ITLN1: variants seen among roughly 807,000 people sequenced by gnomAD.
ITLN1 encodes intelectin 1, also known as intelectin-1.
Under a neutral mutation model 36.2 loss-of-function variants are expected in ITLN1, and 29 were observed. That is an observed-to-expected ratio of 0.80 (90% confidence interval 0.60 to 1.09). The LOEUF is 1.09. Ranked by LOEUF, ITLN1 falls within the 50% of genes least tolerant of loss-of-function variation. The pLI, the probability that ITLN1 is intolerant of heterozygous loss-of-function variation, is 0.00. For synonymous variants in ITLN1, 143 were observed against 146.5 expected (o/e 0.98, Z 0.17); for missense variants, 358 against 405.2 (o/e 0.88, Z 1.00).
Position 160,881,241 on chromosome 1 carries a change from C to G in ITLN1, c.477G>C (p.Gln159His). ...IWHVPNKSPMQHWRNSSLLRY... is the reference protein window; with the variant it reads ...IWHVPNKSPMHHWRNSSLLRY... ...TCAGCAGGGAGCTGTTTCTCCAGTG[C>G]TGCATGGGGGACTTATTGGGCACGT... is the stretch of plus-strand genomic sequence containing the variant. Residue 159 changes from glutamine (Q) to histidine (H), a missense_variant, in exon 5 of 8, where the codon CAG (glutamine) becomes CAC (histidine). By Grantham distance (24) the Gln-to-His change is conservative. Coordinates refer to ENST00000326245, the MANE Select transcript of ITLN1 (RefSeq NM_017625.3). 1.9e-6 allele frequency: 3 copies of G among 1,613,636 alleles called. No homozygotes were observed. Among genetic ancestry groups the G allele is most frequent in the South Asian group, 2.2e-5 (2 of 91,016 alleles).
chr1:160,880,084 C>T (rs1359016511), intron 6 of ITLN1, among the ~76,000 whole-genome samples: 3 of 151,950 alleles, frequency 2.0e-5, no homozygotes, highest in African/African-American at 4.8e-5. Flanking sequence ...GGGGGCGGAT[C>T]GCCAAAGGTC....
At chr1:160,883,564 G>T in intron 2 of ITLN1, 38 bp from the exon 3 acceptor site, 1 of 1,424,854 alleles carries the variant, frequency 7.0e-7, no homozygotes, top group Non-Finnish European at 9.9e-7. Flanking sequence ...TTCCCGGTTT[G>T]ACACAAAACC....
rs138910982 is a variant in ITLN1 at position 160,880,663 on chromosome 1, C to A, written c.610G>T (p.Gly204Cys). The A allele has an allele frequency of 6.2e-7, 1 of 1,614,020 alleles. No homozygotes were observed. Among genetic ancestry groups the A allele is most frequent in the Non-Finnish European group, 8.5e-7 (1 of 1,179,944 alleles). ...TCATAGACCACAGGGATCACCGGGCCGTTGTCAGTCCAACACTTTCCTTCT... is the reference window on the plus strand; with the variant it reads ...TCATAGACCACAGGGATCACCGGGCAGTTGTCAGTCCAACACTTTCCTTCT... Reference protein sequence around the residue: ...YGEGKCWTDNGPVIPVVYDFG... With the variant: ...YGEGKCWTDNCPVIPVVYDFG... The change falls in exon 6 of 8, where the codon GGC (glycine) becomes TGC (cysteine). Residue 204 changes from glycine to cysteine, a missense_variant. Transcript: ENST00000326245.
At chr1:160,880,893 T>A (rs79502427) in intron 5 of ITLN1, among the ~76,000 whole-genome samples, 185 bp from the exon 6 acceptor site, 4,047 of 152,284 alleles carry the variant, frequency 0.027, 208 homozygotes, top group African/African-American at 0.093. Flanking sequence ...GCTGTGCTTC[T>A]GCGGCAGCCT....
chr1:160,883,260 T>C (rs1472765900), intron 3 of ITLN1, among the ~76,000 whole-genome samples, 168 bp downstream of exon 3: 1 of 152,196 alleles, frequency 6.6e-6, no homozygotes, highest in Non-Finnish European at 1.5e-5. Flanking sequence ...TTGAAGGTAA[T>C]TAATGCCACT....
chr1:160,883,906 T>G (rs1303433868), intron 2 of ITLN1, among the ~76,000 whole-genome samples: 2 of 152,058 alleles, frequency 1.3e-5, no homozygotes, highest in Non-Finnish European at 2.9e-5. Context: ...GAATAAATGG[T>G]AGAAGAAAGG....
intron 7 of ITLN1, among the ~76,000 whole-genome samples, chr1:160,877,875 G>A (rs1046641405): frequency 1.3e-5 from 2 of 152,170 alleles, no homozygotes; most frequent in African/African-American, 4.8e-5. Flanking sequence ...ACATTTAAAA[G>A]TATGCAGCAC....
At position 160,882,119 on chromosome 1, in the gene ITLN1, C is replaced by A. The variant is rs895594957; in HGVS notation, c.243G>T (p.Leu81=). Residue 81 remains leucine, a synonymous_variant, in exon 4 of 8, where the codon CTG becomes CTT. Transcript: ENST00000326245. ...DMTSGGGGWT[L]VASVHENDMR... Reference sequence around the variant, plus strand: ...TGTCATTCTCGTGCACGCTGGCCACCAGGGTCCAGCCGCCACCCCCAGAGG... The same window carrying A: ...TGTCATTCTCGTGCACGCTGGCCACAAGGGTCCAGCCGCCACCCCCAGAGG... 1.2e-6 allele frequency: 2 copies of A among 1,613,982 alleles called. No homozygotes were observed. The highest frequency in any genetic ancestry group is 1.7e-6 in the Non-Finnish European group (2 of 1,179,896).
chr1:160,876,841 C>G (rs375287260), intron 7 of ITLN1, 25 bp from the exon 8 acceptor site: 1 of 1,610,646 alleles, frequency 6.2e-7, no homozygotes, highest in African/African-American at 1.3e-5. Flanking sequence ...GAGGAAGAGG[C>G]AGTAATGAGA....
At chr1:160,882,278 C>T (rs1457999732) in intron 3 of ITLN1, 74 bp from the exon 4 acceptor site, 2 of 1,511,628 alleles carry the variant, frequency 1.3e-6, no homozygotes, top group African/African-American at 2.8e-5. Flanking sequence ...ACAAGAAAGG[C>T]CCTAGGAACC....
Position 160,880,488 on chromosome 1 carries a change from A to G in ITLN1, c.685+100T>C. 4.8e-6 allele frequency: 6 copies of G among 1,256,348 alleles called. No individual in the cohort carries two copies. The South Asian group carries it at 8.2e-5, about 17-fold the overall frequency. 77.8% of individuals were successfully genotyped at this position (1,256,348 alleles called of 1,614,324 possible). On this transcript the variant is annotated intron_variant, in intron 6 of 7. Transcript: ENST00000326245. ...AGTGGGGCAATATAGGGAACATTAC[A>G]GGAGAGAACCAAGCTTCAGTCCGAT...
At chr1:160,882,575 A>T (rs1670698899) in intron 3 of ITLN1, among the ~76,000 whole-genome samples, 1 of 152,212 alleles carries the variant, frequency 6.6e-6, no homozygotes, top group Non-Finnish European at 1.5e-5. Context: ...TAGAAGAAAC[A>T]ATTCAAATAT....
In ITLN1 at chr1:160,876,738, C is replaced by T. The variant is rs1411788169; in HGVS notation, c.868G>A (p.Gly290Arg). 1.9e-6 allele frequency: 3 copies of T among 1,614,050 alleles called. No homozygotes were observed. In the African/African-American group the frequency reaches 4.0e-5, roughly 22 times the overall value. The change falls in exon 8 of 8, where the codon GGA (glycine) becomes AGA (arginine). Residue 290 changes from glycine to arginine, a missense_variant. By Grantham distance (125) the Gly-to-Arg change is moderately radical. Transcript: ENST00000326245. ...CGDFSGFDWSGYGTHVGYSSS... is the reference protein window; with the variant it reads ...CGDFSGFDWSRYGTHVGYSSS... Reference sequence around the variant, plus strand: ...CTGTAACCAACATGAGTTCCATATCCACTCCAATCAAAACCAGAAAAATCT... The same window carrying T: ...CTGTAACCAACATGAGTTCCATATCTACTCCAATCAAAACCAGAAAAATCT...
rs1372931300 is a variant in ITLN1, at chr1:160,877,167, G to A, written c.790-351C>T. ...CAGGAGAATTGCTTGAACCTGGAAGGTGGAGGTTGCGGTGAGCTTAGATCA... is the reference window on the plus strand; with the variant it reads ...CAGGAGAATTGCTTGAACCTGGAAGATGGAGGTTGCGGTGAGCTTAGATCA... On this transcript the variant is annotated intron_variant, in intron 7 of 7. Transcript: ENST00000326245. Among the ~76,000 whole-genome samples, 3 of 152,092 alleles carry A rather than the reference G, an allele frequency of 2.0e-5. No homozygotes were observed. The East Asian group carries it at 5.8e-4, about 29-fold the overall frequency.
Position 160,881,136 on chromosome 1 carries a change from G to A in ITLN1, c.564+18C>T. On this transcript the variant is annotated intron_variant, in intron 5 of 7. Transcript: ENST00000326245. ...TGTACACCCATGAAAACCAGTCCCA[G>A]CCAGCAGCCTTCTGTACCTGGTAGA... 1 of 1,584,660 alleles carries A rather than the reference G, an allele frequency of 6.3e-7. No individual in the cohort carries two copies. Among genetic ancestry groups the A allele is most frequent in the South Asian group, 1.2e-5 (1 of 86,322 alleles).
intron 3 of ITLN1, among the ~76,000 whole-genome samples, chr1:160,883,040 T>C (rs183138327): frequency 6.6e-6 from 1 of 152,254 alleles, no homozygotes; most frequent in African/African-American, 2.4e-5. Flanking sequence ...AATTGATTTT[T>C]GTATTTTAGT....
chr1:160,877,903 T>G (rs1670616383), intron 7 of ITLN1, among the ~76,000 whole-genome samples: 2 of 152,188 alleles, frequency 1.3e-5, no homozygotes, highest in Admixed American at 1.3e-4. Flanking sequence ...GCATGGAGGT[T>G]CATGCCTGTA....
At chr1:160,884,403 TA>T (rs374536850) in intron 2 of ITLN1, among the ~76,000 whole-genome samples, 16 of 151,036 alleles carry the variant, frequency 1.1e-4, no homozygotes, top group East Asian at 1.9e-4. Context: ...GCCTTTTCTT[TA>T]AAAAAAAAAT....
intron 4 of ITLN1, 28 bp from the exon 5 acceptor site, chr1:160,881,340 C>G: frequency 1.3e-6 from 2 of 1,550,968 alleles, no homozygotes; most frequent in Non-Finnish European, 1.7e-6. Context: ...CTGAGCCTGA[C>G]TGGGCCAGGA....
Sources: allele counts gnomAD v4.1 joint callset (sites outside exome capture counted in the v4.1 genomes callset), GRCh38; gene constraint gnomAD v4.1.1; transcripts MANE v1.5; gene names NCBI Gene and HGNC (gene_info 2026-07-23, HGNC 2026-07-21).